RANBP9: variants seen among roughly 807,000 people sequenced by gnomAD.
RANBP9 encodes the protein ran-binding protein 9.
RANBP9 carries 15 observed loss-of-function variants against 84.3 expected under a neutral mutation model. That is an observed-to-expected ratio of 0.18 (90% CI 0.12 to 0.27). The LOEUF is 0.27. RANBP9 is among the 10% of genes least tolerant of loss of function. The pLI is 1.00. For missense variants in RANBP9, 809 were observed against 912.8 expected, an observed-to-expected ratio of 0.89 and a Z score of 1.46; for synonymous variants, 392 against 349.6, an observed-to-expected ratio of 1.12 and a Z score of -1.35.
chr6:13,632,585 A>G (rs1166154152), intron 11 of RANBP9, 64 bp from the exon 12 acceptor site: 2 of 1,431,516 alleles, frequency 1.4e-6, no homozygotes, highest in African/African-American at 1.4e-5. Context: ...GGACACGAAC[A>G]TACATTTCTT....
At chr6:13,701,090 T>C (rs554670480) in intron 1 of RANBP9, among the ~76,000 whole-genome samples, 3 of 152,296 alleles carry the variant, frequency 2.0e-5, no homozygotes, top group African/African-American at 7.2e-5. Flanking sequence ...CCTCAAACTC[T>C]TTGTGTTTTT....
At chr6:13,653,889 A>G (rs973849923) in intron 4 of RANBP9, among the ~76,000 whole-genome samples, 1 of 152,110 alleles carries the variant, frequency 6.6e-6, no homozygotes, top group South Asian at 2.1e-4. Flanking sequence ...AACTTCATTA[A>G]TAACACAGAA....
At chr6:13,632,897 A>G (rs1227627819) in intron 11 of RANBP9, 1 of 161,956 alleles carries the variant, frequency 6.2e-6, no homozygotes, top group Admixed American at 6.2e-5. Flanking sequence ...GCCTTAACTG[A>G]CGTAGTAGAG....
Position 13,625,645 on chromosome 6 carries a change from T to G in RANBP9, c.2059+8A>C. The stretch of plus-strand genomic sequence containing the variant: ...AACTGAAATTGTGCCTTATTTGGCT[T>G]TACTTACCTAATATTGCACTGTTAA... On this transcript the variant is annotated splice_region_variant and intron_variant, in intron 13 of 13. Transcript: ENST00000011619. 1 of 1,579,638 alleles carries G rather than the reference T, an allele frequency of 6.3e-7. No individual in the cohort carries two copies. The highest frequency in any genetic ancestry group is 8.7e-7 in the Non-Finnish European group (1 of 1,149,468).
chr6:13,675,987 C>A (rs1294595246), intron 2 of RANBP9, among the ~76,000 whole-genome samples: 1 of 151,608 alleles, frequency 6.6e-6, no homozygotes, highest in Non-Finnish European at 1.5e-5. Context: ...AAAATTAAAT[C>A]AATAATTAAT....
chr6:13,631,488 G>A (rs1026448347), intron 12 of RANBP9, among the ~76,000 whole-genome samples: 4 of 152,142 alleles, frequency 2.6e-5, no homozygotes, highest in African/African-American at 9.7e-5. Context: ...GCACTCTTAA[G>A]TATCAGATTT....
At chr6:13,660,258 C>T (rs149904023) in intron 2 of RANBP9, among the ~76,000 whole-genome samples, 1 of 152,256 alleles carries the variant, frequency 6.6e-6, no homozygotes, top group African/African-American at 2.4e-5. Flanking sequence ...CCTGGAATCC[C>T]AGCACTTTCA....
chr6:13,662,494 G>A (rs1390039153), intron 2 of RANBP9, among the ~76,000 whole-genome samples: 1 of 152,112 alleles, frequency 6.6e-6, no homozygotes, highest in Non-Finnish European at 1.5e-5. Flanking sequence ...TTGAAACCCG[G>A]TCCCTAATAT....
At chr6:13,626,514 T>C (rs1254605923) in intron 12 of RANBP9, among the ~76,000 whole-genome samples, 1 of 152,200 alleles carries the variant, frequency 6.6e-6, no homozygotes, top group Non-Finnish European at 1.5e-5. Context: ...ATTTCCTAGA[T>C]TTGTATGAGG....
At chr6:13,660,351 A>C (rs574048279) in intron 2 of RANBP9, among the ~76,000 whole-genome samples, 26 of 152,220 alleles carry the variant, frequency 1.7e-4, no homozygotes, top group Admixed American at 3.9e-4. Flanking sequence ...TCAAAAAAAA[A>C]CAAAACCATC....
chr6:13,648,143 T>C (rs1489203507), intron 5 of RANBP9, among the ~76,000 whole-genome samples: 1 of 61,748 alleles, frequency 1.6e-5, no homozygotes, highest in Non-Finnish European at 3.3e-5. Flanking sequence ...TATGACTGGT[T>C]TTTTTTTTTT....
At chr6:13,666,187 T>C (rs1765640238) in intron 2 of RANBP9, among the ~76,000 whole-genome samples, 1 of 152,032 alleles carries the variant, frequency 6.6e-6, no homozygotes, top group Non-Finnish European at 1.5e-5. Context: ...GATATATACA[T>C]GCTGTAGTGA....
In RANBP9 at chr6:13,703,318, T is replaced by G. The variant is rs79290897; in HGVS notation, c.572-6422A>C. ...GCTTTTTCTCACTCTATTCTCCCTCTCTCTTTCAAATACTCTGAGTTTCAA... is the reference window on the plus strand; with the variant it reads ...GCTTTTTCTCACTCTATTCTCCCTCGCTCTTTCAAATACTCTGAGTTTCAA... On this transcript the variant is annotated intron_variant, in intron 1 of 13. Transcript: ENST00000011619. Among the ~76,000 whole-genome samples, 420 of 152,218 alleles carry G rather than the reference T, an allele frequency of 2.8e-3. 2 individuals carry two copies. The highest frequency in any genetic ancestry group is 9.6e-3 in the African/African-American group (398 of 41,512).
At chr6:13,636,729 C>G (rs1180933671) in intron 10 of RANBP9, among the ~76,000 whole-genome samples, 1 of 152,126 alleles carries the variant, frequency 6.6e-6, no homozygotes, top group South Asian at 2.1e-4. Flanking sequence ...GATTTTTCTG[C>G]TCTTCTCATA....
chr6:13,667,544 T>C (rs1231693107), intron 2 of RANBP9, among the ~76,000 whole-genome samples: 2 of 152,232 alleles, frequency 1.3e-5, no homozygotes, highest in African/African-American at 4.8e-5. Flanking sequence ...AATAGTCCTA[T>C]AAGATTATAA....
intron 2 of RANBP9, among the ~76,000 whole-genome samples, chr6:13,687,503 T>C (rs910962550): frequency 6.6e-6 from 1 of 151,202 alleles, no homozygotes; most frequent in South Asian, 2.1e-4. Context: ...AAAAAAAAAA[T>C]CCTCTTCTGG....
rs767070995 is a variant in RANBP9 at position 13,705,868 on chromosome 6, CAAAAAAAA to C, written c.571+5059_571+5066del. On this transcript the variant is annotated intron_variant, in intron 1 of 13. Transcript: ENST00000011619. ...TGGGCGACAGAGCAAGACTCCGTCT[CAAAAAAAA>C]AAAAAAAAAAGAAACATTTTTATAT... Among the ~76,000 whole-genome samples, 15 of 76,758 alleles carry C rather than the reference CAAAAAAAA, an allele frequency of 2.0e-4. 1 individual carries two copies. The East Asian group carries it at 2.2e-3, about 11-fold the overall frequency. 50.4% of individuals were successfully genotyped at this position (76,758 alleles called of 152,430 possible).
intron 2 of RANBP9, among the ~76,000 whole-genome samples, chr6:13,678,624 A>T (rs1765953251): frequency 6.6e-6 from 1 of 152,152 alleles, no homozygotes. Context: ...GGAATCATCC[A>T]AACTCTTCAA....
At chr6:13,701,582 G>T (rs1757971778) in intron 1 of RANBP9, among the ~76,000 whole-genome samples, 1 of 152,034 alleles carries the variant, frequency 6.6e-6, no homozygotes, top group Non-Finnish European at 1.5e-5. Flanking sequence ...AGACCAGCCT[G>T]GCCAACATAA....
Sources: allele counts gnomAD v4.1 joint callset (sites outside exome capture counted in the v4.1 genomes callset), GRCh38; gene constraint gnomAD v4.1.1; transcripts MANE v1.5; gene names NCBI Gene and HGNC (gene_info 2026-07-23, HGNC 2026-07-21).